METAP1: variants seen among roughly 807,000 people sequenced by gnomAD.
METAP1 encodes methionine aminopeptidase 1.
METAP1 carries 28 observed loss-of-function variants against 53.8 expected under a neutral mutation model. The observed-to-expected ratio is 0.52, with a 90% CI of 0.39 to 0.71. The LOEUF (loss-of-function observed/expected upper bound fraction) is 0.71, where lower values mean the gene tolerates loss of function less well. METAP1 is among the 30% of genes least tolerant of loss of function. The pLI is 0.00. For synonymous variants in METAP1, 181 were observed against 165.7 expected, an observed-to-expected ratio of 1.09 and a Z score of -0.71; for missense variants, 389 against 479.8, an observed-to-expected ratio of 0.81 and a Z score of 1.77.
intron 9 of METAP1, among the ~76,000 whole-genome samples, chr4:99,056,786 G>C (rs959707695): frequency 1.3e-5 from 2 of 151,956 alleles, no homozygotes; most frequent in African/African-American, 2.4e-5. Context: ...GGCCAGGATG[G>C]TCTCGATCTC....
intron 1 of METAP1, among the ~76,000 whole-genome samples, chr4:98,999,171 G>C (rs1290034536): frequency 6.6e-6 from 1 of 152,082 alleles, no homozygotes; most frequent in Non-Finnish European, 1.5e-5. Context: ...TCACTGCCCT[G>C]TTCTCATTTC....
chr4:99,025,121 C>T lies in METAP1; in HGVS notation c.115-3746C>T, dbSNP rs546917029. Reference sequence around the variant, plus strand: ...CAGCCCATCTGCTGCTCACCTCCTGCTGTGTGGGCTGGTTCCTAACAGGCC... The same window carrying T: ...CAGCCCATCTGCTGCTCACCTCCTGTTGTGTGGGCTGGTTCCTAACAGGCC... On this transcript the variant is annotated intron_variant, in intron 1 of 10. Transcript: ENST00000296411. Among the ~76,000 whole-genome samples the T allele has an allele frequency of 1.7e-4, 26 of 152,344 alleles. No individual in the cohort carries two copies. In the South Asian group the frequency reaches 5.0e-3, roughly 29 times the overall value.
intron 1 of METAP1, among the ~76,000 whole-genome samples, chr4:99,008,259 A>G (rs1723276189): frequency 6.6e-6 from 1 of 152,192 alleles, no homozygotes; most frequent in African/African-American, 2.4e-5. Context: ...AGTAGGAGCA[A>G]GCTGAGGCAT....
intron 1 of METAP1, among the ~76,000 whole-genome samples, chr4:99,008,754 C>G (rs944473776): frequency 7.2e-5 from 11 of 152,102 alleles, no homozygotes; most frequent in Admixed American, 6.5e-4. Context: ...CTAATCAGTG[C>G]TTGGTATGTA....
At chr4:99,005,020 C>A (rs978946866) in intron 1 of METAP1, among the ~76,000 whole-genome samples, 1 of 152,132 alleles carries the variant, frequency 6.6e-6, no homozygotes, top group African/African-American at 2.4e-5. Flanking sequence ...GTAAAAATTT[C>A]TCTTGGGTAT....
chr4:99,005,645 C>G (rs1477494350), intron 1 of METAP1: 2 of 262,616 alleles, frequency 7.6e-6, no homozygotes, highest in African/African-American at 2.3e-5. Flanking sequence ...GCACATTTCA[C>G]AATTGCAAAG....
rs140373157 is a variant in METAP1, at chr4:99,020,142, C to T, written c.115-8725C>T. 7.2e-5 allele frequency among the ~76,000 whole-genome samples: 11 copies of T among 152,284 alleles called. No homozygotes were observed. In the East Asian group the frequency reaches 7.7e-4, roughly 11 times the overall value. On this transcript the variant is annotated intron_variant, in intron 1 of 10. Transcript: ENST00000296411. Reference sequence around the variant, plus strand: ...CATAGCAGCTCTGCAGATCATGTTCCGCTCTTCCTTTGAAAAGAGGATACC... The same window carrying T: ...CATAGCAGCTCTGCAGATCATGTTCTGCTCTTCCTTTGAAAAGAGGATACC...
At chr4:99,041,822 G>A (rs1384771750) in intron 6 of METAP1, among the ~76,000 whole-genome samples, 1 of 151,410 alleles carries the variant, frequency 6.6e-6, no homozygotes, top group Non-Finnish European at 1.5e-5. Context: ...TTGTAAATTG[G>A]AAGAACCCTT....
At chr4:99,005,097 T>A (rs942479989) in intron 1 of METAP1, among the ~76,000 whole-genome samples, 6 of 152,168 alleles carry the variant, frequency 3.9e-5, no homozygotes, top group African/African-American at 1.4e-4. Context: ...GATACCAGAT[T>A]GTTTTCCAAA....
intron 7 of METAP1, among the ~76,000 whole-genome samples, chr4:99,044,664 G>T (rs568723498): frequency 6.6e-6 from 1 of 151,794 alleles, no homozygotes; most frequent in South Asian, 2.1e-4. Flanking sequence ...TAGTATAATA[G>T]TAATCTATAT....
chr4:99,043,792 C>G (rs1233259113), intron 7 of METAP1, among the ~76,000 whole-genome samples: 1 of 152,128 alleles, frequency 6.6e-6, no homozygotes, highest in Non-Finnish European at 1.5e-5. Context: ...GAAAATCTTG[C>G]AGAAGTGCCT....
chr4:99,048,604 A>C, intron 8 of METAP1, 129 bp from the exon 9 acceptor site: 1 of 990,106 alleles, frequency 1.0e-6, no homozygotes, highest in East Asian at 2.5e-5. Context: ...TCCTGAGCTC[A>C]GGCGATCTTC....
chr4:99,041,061 G>A lies in METAP1; in HGVS notation c.451G>A (p.Asp151Asn), dbSNP rs1725825454. 1 of 1,608,448 alleles carries A rather than the reference G, an allele frequency of 6.2e-7. No homozygotes were observed. The highest frequency in any genetic ancestry group is 2.2e-5 in the East Asian group (1 of 44,692). Residue 151 changes from aspartate to asparagine, a missense_variant, in exon 6 of 11, where the codon GAT becomes AAT. Transcript: ENST00000296411. ...LVCRLAREVL[D>N]VAAGMIKPGV... ...TTTACAGCTTGCTAGAGAAGTTTTG[G>A]ATGTTGCTGCCGGCATGATTAAACC...
intron 7 of METAP1, among the ~76,000 whole-genome samples, chr4:99,044,004 C>T (rs1175068527): frequency 6.6e-6 from 1 of 152,184 alleles, no homozygotes; most frequent in Non-Finnish European, 1.5e-5. Context: ...GCCACCATGG[C>T]TCACTGCAGT....
intron 4 of METAP1, among the ~76,000 whole-genome samples, chr4:99,037,039 ATTATT>A (rs1192018603): frequency 6.6e-6 from 1 of 151,962 alleles, no homozygotes; most frequent in East Asian, 1.9e-4. Context: ...TTATTTTGCT[ATTATT>A]TTAATCTGCA....
At position 99,034,242 on chromosome 4, in the gene METAP1, C is replaced by T. The variant is rs536751412; in HGVS notation, c.179C>T (p.Ala60Val). 1.2e-5 allele frequency: 18 copies of T among 1,548,118 alleles called. No individual in the cohort carries two copies. Among genetic ancestry groups the T allele is most frequent in the African/African-American group, 4.1e-5 (3 of 73,064 alleles). ...CTCCGTCTCCCAGAAGATGAAAAGGCGAAGCGAGAAGTGTCTTCCTGGACT... is the reference window on the plus strand; with the variant it reads ...CTCCGTCTCCCAGAAGATGAAAAGGTGAAGCGAGAAGTGTCTTCCTGGACT... Reference protein sequence around the residue: ...LLHKKAKDEKAKREVSSWTVE... With the variant: ...LLHKKAKDEKVKREVSSWTVE... The change falls in exon 3 of 11, where the codon GCG becomes GTG. Residue 60 changes from alanine (A) to valine (V), a missense_variant. Transcript: ENST00000296411.
chr4:99,031,704 G>A lies in METAP1; in HGVS notation c.167-2526G>A, dbSNP rs1725046429. On this transcript the variant is annotated intron_variant, in intron 2 of 10. Transcript: ENST00000296411. ...TAATAATCATCTCTGGAAGACTTGAGTCAGAATTTTGATCAGAAAATCCTG... is the reference window on the plus strand; with the variant it reads ...TAATAATCATCTCTGGAAGACTTGAATCAGAATTTTGATCAGAAAATCCTG... 2.4e-6 allele frequency: 2 copies of A among 816,718 alleles called. 1 individual carries two copies. The highest frequency in any genetic ancestry group is 1.2e-4 in the East Asian group (2 of 16,078). The allele number at this position is 816,718 out of a possible 1,614,324, so 50.6% of individuals were successfully genotyped here.
intron 1 of METAP1, among the ~76,000 whole-genome samples, chr4:99,019,968 T>A (rs1723989533): frequency 6.6e-6 from 1 of 152,166 alleles, no homozygotes; most frequent in Non-Finnish European, 1.5e-5. Context: ...TGCAGACTCC[T>A]TGATACCTTT....
chr4:99,005,406 A>T (rs1458933518), intron 1 of METAP1, among the ~76,000 whole-genome samples: 1 of 152,242 alleles, frequency 6.6e-6, no homozygotes, highest in East Asian at 1.9e-4. Flanking sequence ...ATCATCAGGG[A>T]AATGCAAATT....
Sources: allele counts gnomAD v4.1 joint callset (sites outside exome capture counted in the v4.1 genomes callset), GRCh38; gene constraint gnomAD v4.1.1; transcripts MANE v1.5; gene names NCBI Gene and HGNC (gene_info 2026-07-23, HGNC 2026-07-21).